CCDC148: variants seen among roughly 807,000 people sequenced by gnomAD.
CCDC148 encodes the protein coiled-coil domain containing 148.
CCDC148 carries 89 observed loss-of-function variants against 85.7 expected under a neutral mutation model. That is an observed-to-expected ratio of 1.04 (90% CI 0.87 to 1.24). The LOEUF (loss-of-function observed/expected upper bound fraction) is 1.24, where lower values mean the gene tolerates loss of function less well. CCDC148 is among the 50% of genes most tolerant of loss of function. The pLI, the probability that CCDC148 is intolerant of heterozygous loss-of-function variation, is 0.00. For synonymous variants in CCDC148, 230 were observed against 213.9 expected (o/e 1.08, Z -0.66); for missense variants, 692 against 671.7 (o/e 1.03, Z -0.33).
intron 1 of CCDC148, among the ~76,000 whole-genome samples, chr2:158,367,715 T>C (rs190543729): frequency 2.4e-4 from 36 of 152,274 alleles, no homozygotes; most frequent in African/African-American, 7.9e-4. Flanking sequence ...GAAACCTCAT[T>C]TGGTTCCAAC....
intron 10 of CCDC148, among the ~76,000 whole-genome samples, chr2:158,249,688 C>T (rs1021407417): frequency 6.6e-6 from 1 of 152,004 alleles, no homozygotes; most frequent in Non-Finnish European, 1.5e-5. Flanking sequence ...AACTGAAGTA[C>T]AATAAAATGT....
chr2:158,436,217 A>G (rs1325798893), intron 1 of CCDC148, among the ~76,000 whole-genome samples: 1 of 152,192 alleles, frequency 6.6e-6, no homozygotes, highest in Non-Finnish European at 1.5e-5. Flanking sequence ...AATTGACCAC[A>G]TAGTTGGAAG....
At chr2:158,219,986 G>GT (rs1558992336) in intron 11 of CCDC148, among the ~76,000 whole-genome samples, 2 of 152,116 alleles carry the variant, frequency 1.3e-5, no homozygotes, top group Admixed American at 6.5e-5. Context: ...ATTACTATAT[G>GT]TTTTTTGTCT....
intron 1 of CCDC148, among the ~76,000 whole-genome samples, chr2:158,418,201 C>T (rs1244623788): frequency 6.6e-6 from 1 of 151,910 alleles, no homozygotes; most frequent in Non-Finnish European, 1.5e-5. Flanking sequence ...TCCTACAAAT[C>T]ACTTAACTTT....
intron 1 of CCDC148, among the ~76,000 whole-genome samples, chr2:158,431,965 C>T (rs552928964): frequency 9.4e-4 from 143 of 152,068 alleles, no homozygotes; most frequent in African/African-American, 3.3e-3. Flanking sequence ...ATATGTAGCA[C>T]TGTTTACCAC....
At chr2:158,227,947 A>G (rs1202362722) in intron 10 of CCDC148, among the ~76,000 whole-genome samples, 2 of 152,200 alleles carry the variant, frequency 1.3e-5, no homozygotes, top group Non-Finnish European at 2.9e-5. Context: ...AAAAGACAAA[A>G]TTGACAAATG....
At chr2:158,405,157 G>C (rs1453079760) in intron 1 of CCDC148, among the ~76,000 whole-genome samples, 2 of 152,070 alleles carry the variant, frequency 1.3e-5, no homozygotes, top group Non-Finnish European at 2.9e-5. Context: ...GTTCCTTATA[G>C]GGCCAGGAGG....
At chr2:158,270,937 T>C (rs1574514246) in intron 9 of CCDC148, among the ~76,000 whole-genome samples, 2 of 152,164 alleles carry the variant, frequency 1.3e-5, no homozygotes, top group Admixed American at 6.6e-5. Flanking sequence ...TTTCACAACA[T>C]CATAGATAAA....
At chr2:158,304,824 G>A (rs1351372488) in intron 9 of CCDC148, among the ~76,000 whole-genome samples, 2 of 152,158 alleles carry the variant, frequency 1.3e-5, no homozygotes, top group African/African-American at 4.8e-5. Context: ...GTGACAACTG[G>A]CTTACCTGCA....
At position 158,220,688 on chromosome 2, in the gene CCDC148, T is replaced by G; in HGVS notation, c.1277A>C (p.Lys426Thr). Reference protein sequence around the residue: ...KKIKKYWAKKKQKWQEMEMRD... With the variant: ...KKIKKYWAKKTQKWQEMEMRD... ...CATTTCCATTTCTTGCCACTTCTGT[T>G]TTTTCTTGGCCCAGTATTTTTTTAT... The change falls in exon 11 of 14, where the codon AAA becomes ACA. Residue 426 changes from lysine to threonine, a missense_variant. Coordinates refer to ENST00000283233, the MANE Select transcript of CCDC148 (RefSeq NM_138803.4). 2 of 1,586,504 alleles carry G rather than the reference T, an allele frequency of 1.3e-6. No homozygotes were observed. Among genetic ancestry groups the G allele is most frequent in the Non-Finnish European group, 1.7e-6 (2 of 1,173,106 alleles).
chr2:158,272,621 G>C (rs1689748566), intron 9 of CCDC148, among the ~76,000 whole-genome samples: 1 of 152,184 alleles, frequency 6.6e-6, no homozygotes, highest in South Asian at 2.1e-4. Flanking sequence ...AGGATGCACA[G>C]TGCTGTGCCG....
chr2:158,222,959 G>A (rs4126019), intron 10 of CCDC148, among the ~76,000 whole-genome samples: 99,819 of 151,938 alleles, frequency 0.66, 33,987 homozygotes, highest in East Asian at 0.89. Flanking sequence ...GAGGAGTGTC[G>A]GAAAGTGGGT....
intron 9 of CCDC148, among the ~76,000 whole-genome samples, chr2:158,305,938 C>T (rs1691663810): frequency 6.6e-6 from 1 of 152,004 alleles, no homozygotes; most frequent in Non-Finnish European, 1.5e-5. Context: ...TAAAAAAGAA[C>T]AAACTATTGA....
At position 158,340,332 on chromosome 2, in the gene CCDC148, C is replaced by A; in HGVS notation, c.396G>T (p.Gln132His). The A allele has an allele frequency of 6.2e-7, 1 of 1,613,918 alleles. No homozygotes were observed. The highest frequency in any genetic ancestry group is 8.5e-7 in the Non-Finnish European group (1 of 1,179,926). ...YLKNVINPIQ[Q>H]LRADLKYRQH... is the part of the protein sequence containing the mutation. Reference sequence around the variant, plus strand: ...GTCTGTATTTTAGATCTGCTCTCAGCTGCTGAATAGGATTTATTACATTTT... The same window carrying A: ...GTCTGTATTTTAGATCTGCTCTCAGATGCTGAATAGGATTTATTACATTTT... Residue 132 changes from glutamine (Q) to histidine (H), a missense_variant, in exon 5 of 14, where the codon CAG (glutamine) becomes CAT (histidine). Transcript: ENST00000283233.
At chr2:158,329,617 C>T (rs1434375774) in intron 7 of CCDC148, among the ~76,000 whole-genome samples, 6 of 152,000 alleles carry the variant, frequency 3.9e-5, no homozygotes, top group Non-Finnish European at 7.4e-5. Flanking sequence ...GCCATTTTCA[C>T]GATATTGATT....
intron 2 of CCDC148, among the ~76,000 whole-genome samples, chr2:158,353,764 C>T (rs995638264): frequency 6.6e-6 from 1 of 152,138 alleles, no homozygotes; most frequent in Admixed American, 6.5e-5. Context: ...CCCAAATCAA[C>T]AGAATATACA....
chr2:158,239,241 G>A (rs10204340), intron 10 of CCDC148, among the ~76,000 whole-genome samples: 114,903 of 151,702 alleles, frequency 0.76, 43,750 homozygotes, highest in East Asian at 0.91. Flanking sequence ...CTAATGGGAA[G>A]TCTTTTCCAG....
intron 1 of CCDC148, among the ~76,000 whole-genome samples, chr2:158,417,367 C>G (rs1305376808): frequency 1.3e-5 from 2 of 152,204 alleles, no homozygotes; most frequent in Admixed American, 6.5e-5. Context: ...CTGCCAGGAG[C>G]TGAGCTGATG....
intron 2 of CCDC148, among the ~76,000 whole-genome samples, chr2:158,349,419 A>G (rs1465619891): frequency 6.6e-6 from 1 of 151,986 alleles, no homozygotes. Context: ...GAATAATAAT[A>G]CATTCTTTTT....
Sources: allele counts gnomAD v4.1 joint callset (sites outside exome capture counted in the v4.1 genomes callset), GRCh38; gene constraint gnomAD v4.1.1; transcripts MANE v1.5; gene names NCBI Gene and HGNC (gene_info 2026-07-23, HGNC 2026-07-21).